Variants in PRKCH observed in about 807,000 individuals in gnomAD.
PRKCH encodes the protein protein kinase C eta.
Under a neutral mutation model 82.5 loss-of-function variants are expected in PRKCH, and 28 were observed. The ratio of observed to expected loss-of-function variants is 0.34; its 90% CI spans 0.25 to 0.47. The LOEUF is 0.47. Among genes scored for constraint, PRKCH ranks in the 20% least tolerant of loss-of-function variants. The pLI, the probability that PRKCH is intolerant of heterozygous loss-of-function variation, is 1.00. For synonymous variants in PRKCH, 322 were observed against 327.4 expected (o/e 0.98, Z 0.18); for missense variants, 705 against 881.8 (o/e 0.80, Z 2.54).
chr14:61,315,485 T>C (rs1010662173), intron 1 of PRKCH, among the ~76,000 whole-genome samples: 6 of 152,212 alleles, frequency 3.9e-5, no homozygotes, highest in South Asian at 2.1e-4. Flanking sequence ...AAGTGCTTTG[T>C]TGGCTGGTGG....
chr14:61,215,905 G>A (rs1411492270), intron 1 of PRKCH, among the ~76,000 whole-genome samples: 2 of 152,278 alleles, frequency 1.3e-5, no homozygotes, highest in Middle Eastern at 3.4e-3. Flanking sequence ...TGTGCCAGTC[G>A]CAGAATTGAG....
At chr14:61,509,086 C>T (rs1473755167) in intron 10 of PRKCH, among the ~76,000 whole-genome samples, 10 of 152,116 alleles carry the variant, frequency 6.6e-5, no homozygotes, top group African/African-American at 2.4e-4. Flanking sequence ...GTCTGGAGAG[C>T]TATGCAGAGA....
rs72533351 is a variant in PRKCH at position 61,527,279 on chromosome 14, T to TACC, written c.1434-1795_1434-1794insCCA. 5.0e-3 allele frequency among the ~76,000 whole-genome samples: 764 copies of TACC among 151,954 alleles called. 5 individuals are homozygous for TACC. Among genetic ancestry groups the TACC allele is most frequent in the Middle Eastern group, 0.037 (11 of 294 alleles). ...ATGCTTTCAACCAGTCTCCATAATC[T>TACC]AGGCTTCTTGTGCACCTGGGGTACC... On this transcript the variant is annotated intron_variant, in intron 10 of 13. Transcript: ENST00000332981.
intron 2 of PRKCH, among the ~76,000 whole-genome samples, chr14:61,433,042 T>TAAAA (rs1566879326): frequency 4.3e-5 from 1 of 23,488 alleles, no homozygotes; most frequent in Non-Finnish European, 7.6e-5. Flanking sequence ...CCCAACCTCT[T>TAAAA]CAAAAAAAAA....
chr14:61,509,341 T>A (rs1887279841), intron 10 of PRKCH, among the ~76,000 whole-genome samples: 1 of 152,194 alleles, frequency 6.6e-6, no homozygotes. Flanking sequence ...AGACCATTGT[T>A]AAGTCATCCA....
intron 1 of PRKCH, among the ~76,000 whole-genome samples, chr14:61,314,633 C>G (rs140424764): frequency 2.7e-4 from 41 of 152,312 alleles, no homozygotes; most frequent in African/African-American, 8.9e-4. Flanking sequence ...ATCTGTCTTA[C>G]TTAAGTGGAC....
At chr14:61,267,953 G>T (rs575399459) in intron 1 of PRKCH, among the ~76,000 whole-genome samples, 1 of 151,906 alleles carries the variant, frequency 6.6e-6, no homozygotes, top group African/African-American at 2.4e-5. Context: ...TTTTTCTTAC[G>T]TATCATGCTT....
intron 2 of PRKCH, among the ~76,000 whole-genome samples, chr14:61,405,100 G>A (rs1406432131): frequency 2.0e-5 from 3 of 152,150 alleles, no homozygotes; most frequent in Non-Finnish European, 2.9e-5. Flanking sequence ...TTGCTAATGC[G>A]GAAACCATTC....
chr14:61,216,746 G>A lies in PRKCH; in HGVS notation c.-19+29078G>A, dbSNP rs548229746. 2.4e-4 allele frequency among the ~76,000 whole-genome samples: 37 copies of A among 152,306 alleles called. No homozygotes were observed. In the East Asian group the frequency reaches 3.1e-3, roughly 13 times the overall value. On this transcript the variant is annotated intron_variant, in intron 1 of 3. Coordinates refer to the PRKCH transcript ENST00000555185. ...CATGTGGATGGTTTTGACTCGGCTCGAACATGAGAGAAAGAGCTTTCAGTT... is the reference window on the plus strand; with the variant it reads ...CATGTGGATGGTTTTGACTCGGCTCAAACATGAGAGAAAGAGCTTTCAGTT...
At chr14:61,210,780 CTCTCTCTCTCTGTG>C (rs1233947466) in intron 1 of PRKCH, among the ~76,000 whole-genome samples, 3 of 99,930 alleles carry the variant, frequency 3.0e-5, no homozygotes, top group African/African-American at 5.9e-5. Context: ...CTCTCTCTCT[CTCTCTCTCTCTGTG>C]TGTGTGTGTG....
intron 1 of PRKCH, among the ~76,000 whole-genome samples, chr14:61,370,721 C>T (rs1566842827): frequency 6.6e-6 from 1 of 152,032 alleles, no homozygotes; most frequent in African/African-American, 2.4e-5. Flanking sequence ...TTTCTTCGCT[C>T]TCTGTATTTC....
chr14:61,233,402 AAAAAAG>A (rs1229086897), intron 1 of PRKCH, among the ~76,000 whole-genome samples: 8 of 151,990 alleles, frequency 5.3e-5, no homozygotes, highest in African/African-American at 4.8e-5. Flanking sequence ...AAAAAAAAGA[AAAAAAG>A]AAAAAGAAAA....
At chr14:61,282,525 G>T (rs2045281115) in intron 1 of PRKCH, among the ~76,000 whole-genome samples, 2 of 152,112 alleles carry the variant, frequency 1.3e-5, no homozygotes, top group Admixed American at 6.5e-5. Context: ...GAGGAATGTT[G>T]TTAGCATCTT....
intron 1 of PRKCH, among the ~76,000 whole-genome samples, chr14:61,386,578 A>C (rs2046591577): frequency 6.6e-6 from 1 of 152,072 alleles, no homozygotes; most frequent in Non-Finnish European, 1.5e-5. Flanking sequence ...CTCAGGAGTG[A>C]GAGGAGGGCC....
rs145881675 is a variant in PRKCH, at chr14:61,196,975, G to A, written c.-19+9307G>A. On this transcript the variant is annotated intron_variant, in intron 1 of 3. Coordinates refer to the PRKCH transcript ENST00000555185. Reference sequence around the variant, plus strand: ...AGGGACATTATTGCCCAGACTTCACGGACAGGGAGACTAGGACACCTAGAG... The same window carrying A: ...AGGGACATTATTGCCCAGACTTCACAGACAGGGAGACTAGGACACCTAGAG... 8.5e-5 allele frequency among the ~76,000 whole-genome samples: 13 copies of A among 152,206 alleles called. No homozygotes were observed. In the East Asian group the frequency reaches 1.7e-3, roughly 20 times the overall value.
At chr14:61,482,025 C>G (rs186388694) in intron 9 of PRKCH, among the ~76,000 whole-genome samples, 2,177 of 142,212 alleles carry the variant, frequency 0.015, 25 homozygotes, top group Non-Finnish European at 0.026. Context: ...AGACAGAGTC[C>G]CCCTCTGTCT....
chr14:61,416,053 C>CTTTTTTTTTTT (rs71117815), intron 2 of PRKCH, among the ~76,000 whole-genome samples: 52 of 94,174 alleles, frequency 5.5e-4, no homozygotes, highest in East Asian at 1.9e-3. Flanking sequence ...CTTTTCTTTT[C>CTTTTTTTTTTT]TTTTTTTTTT....
chr14:61,268,221 T>A (rs1350645073), intron 1 of PRKCH, among the ~76,000 whole-genome samples: 1 of 152,096 alleles, frequency 6.6e-6, no homozygotes, highest in Non-Finnish European at 1.5e-5. Context: ...ATGCCATGGA[T>A]TGTGAGAAGC....
At chr14:61,214,009 C>G (rs2044600566) in intron 1 of PRKCH, among the ~76,000 whole-genome samples, 1 of 152,132 alleles carries the variant, frequency 6.6e-6, no homozygotes, top group South Asian at 2.1e-4. Context: ...TCCATATAGT[C>G]AGGAATTCTA....
Sources: allele counts gnomAD v4.1 joint callset (sites outside exome capture counted in the v4.1 genomes callset), GRCh38; gene constraint gnomAD v4.1.1; transcripts MANE v1.5; gene names NCBI Gene and HGNC (gene_info 2026-07-23, HGNC 2026-07-21).